Variants in ZNF493 observed in about 807,000 individuals in gnomAD.
ZNF493 encodes the protein zinc finger protein 493.
In ZNF493, 11 loss-of-function variants were observed where a neutral mutation model predicts 12.2. The ratio of observed to expected loss-of-function variants is 0.90; its 90% CI spans 0.57 to 1.50. ZNF493 has a LOEUF of 1.50. Among genes scored for constraint, ZNF493 ranks in the 40% most tolerant of loss-of-function variants. The probability of loss-of-function intolerance (pLI) is 0.00; values close to 1 mark genes in which losing one functional copy is unlikely to be tolerated. For missense variants in ZNF493, 950 were observed against 906.6 expected, an observed-to-expected ratio of 1.05 and a Z score of -0.61; for synonymous variants, 286 against 302.6, an observed-to-expected ratio of 0.95 and a Z score of 0.57.
Position 21,424,589 on chromosome 19 carries a change from C to T in ZNF493, c.1930C>T (p.Leu644Phe), listed in dbSNP as rs1468099548. The change falls in exon 4 of 4, where the codon CTC (leucine) becomes TTC (phenylalanine). Residue 644 changes from leucine to phenylalanine, a missense_variant. Coordinates refer to ENST00000392288, the MANE Select transcript of ZNF493 (RefSeq NM_001076678.3). ...CGKAFKRSSHLAGHKQIHSVQ... is the reference protein window; with the variant it reads ...CGKAFKRSSHFAGHKQIHSVQ... Reference sequence around the variant, plus strand: ...CAAAGCTTTTAAGCGGTCCTCACACCTCGCTGGGCACAAGCAAATTCATAG... The same window carrying T: ...CAAAGCTTTTAAGCGGTCCTCACACTTCGCTGGGCACAAGCAAATTCATAG... 7.4e-6 allele frequency: 12 copies of T among 1,613,478 alleles called. No homozygotes were observed. Among genetic ancestry groups the T allele is most frequent in the Non-Finnish European group, 1.0e-5 (12 of 1,179,766 alleles).
At chr19:21,412,625 G>T in intron 3 of ZNF493, 1 of 183,490 alleles carries the variant, frequency 5.4e-6, no homozygotes, top group Non-Finnish European at 1.1e-5. Flanking sequence ...CAGACTATCA[G>T]CACAGATTAA....
chr19:21,398,802 G>GA (rs1159228298), intron 1 of ZNF493: 1 of 172,984 alleles, frequency 5.8e-6, no homozygotes, highest in Non-Finnish European at 1.2e-5. Context: ...GTAATGAGGG[G>GA]AAAACACAGA....
chr19:21,422,703 T>C (rs1185499377), intron 3 of ZNF493, among the ~76,000 whole-genome samples: 3 of 152,108 alleles, frequency 2.0e-5, no homozygotes, highest in African/African-American at 7.2e-5. Context: ...TGTGCTCACC[T>C]GGGGTACTTC....
At chr19:21,405,022 C>A in intron 1 of ZNF493, 107 bp from the exon 2 acceptor site, 1 of 1,503,400 alleles carries the variant, frequency 6.7e-7, no homozygotes, top group South Asian at 1.4e-5. Flanking sequence ...TCCTGTAAGT[C>A]AGAACGAATT....
intron 3 of ZNF493, among the ~76,000 whole-genome samples, chr19:21,416,802 C>T (rs2030508737): frequency 6.6e-6 from 1 of 152,114 alleles, no homozygotes; most frequent in African/African-American, 2.4e-5. Context: ...TTTGAATTTC[C>T]CCATTGTAGT....
At chr19:21,408,121 T>A in intron 3 of ZNF493, 1 of 619,318 alleles carries the variant, frequency 1.6e-6, no homozygotes, top group Non-Finnish European at 2.0e-6. Flanking sequence ...CCAATTTTTT[T>A]TTTTTTTTTT....
chr19:21,426,125 G>T lies in ZNF493; in HGVS notation c.*1141G>T. On this transcript the variant is annotated 3_prime_UTR_variant, in exon 4 of 4. Coordinates refer to ENST00000392288, the MANE Select transcript of ZNF493 (RefSeq NM_001076678.3). ...CTACAAACCAGTAAGATGTGACAGT[G>T]CTTCTGACAACATCTCAAACTTTTC... The T allele has an allele frequency of 4.1e-6, 1 of 246,478 alleles. No individual in the cohort carries two copies. Among genetic ancestry groups the T allele is most frequent in the African/African-American group, 2.3e-5 (1 of 43,734 alleles). 15.3% of individuals were successfully genotyped at this position (246,478 alleles called of 1,614,324 possible). A position where few individuals can be genotyped will look rare whatever the true frequency, so the allele number is the denominator to read the frequency against.
intron 3 of ZNF493, chr19:21,414,524 T>C (rs1334504382): frequency 6.6e-6 from 1 of 152,120 alleles, no homozygotes; most frequent in Non-Finnish European, 1.5e-5. Context: ...CTAATGTGAG[T>C]GATGTAAAAA....
chr19:21,407,968 C>T, intron 3 of ZNF493: 1 of 985,232 alleles, frequency 1.0e-6, no homozygotes, highest in Non-Finnish European at 1.2e-6. Context: ...TAAAGATCTT[C>T]TTTTCTTGTG....
intron 1 of ZNF493, among the ~76,000 whole-genome samples, chr19:21,400,227 T>A (rs1013023113): frequency 6.6e-6 from 1 of 152,092 alleles, no homozygotes; most frequent in Non-Finnish European, 1.5e-5. Flanking sequence ...CTGACCAACA[T>A]GGTGAAACCC....
At chr19:21,402,257 A>G (rs969006258) in intron 1 of ZNF493, among the ~76,000 whole-genome samples, 2 of 152,176 alleles carry the variant, frequency 1.3e-5, no homozygotes, top group Non-Finnish European at 2.9e-5. Flanking sequence ...ATGAGCCACC[A>G]TGCCTGGCCC....
At chr19:21,407,749 A>G in intron 3 of ZNF493, 1 of 983,322 alleles carries the variant, frequency 1.0e-6, no homozygotes, top group African/African-American at 1.7e-5. Flanking sequence ...GTGTAAGATT[A>G]TATGTTCCTC....
rs923003722 is a variant in ZNF493, at chr19:21,426,112, A to T, written c.*1128A>T. The stretch of plus-strand genomic sequence containing the variant: ...CTGCAGAGAAACTCTACAAACCAGT[A>T]AGATGTGACAGTGCTTCTGACAACA... On this transcript the variant is annotated 3_prime_UTR_variant, in exon 4 of 4. Transcript: ENST00000392288. 1 of 277,238 alleles carries T rather than the reference A, an allele frequency of 3.6e-6. No individual in the cohort carries two copies. Among genetic ancestry groups the T allele is most frequent in the Admixed American group, 4.6e-5 (1 of 21,956 alleles). 17.2% of individuals were successfully genotyped at this position (277,238 alleles called of 1,614,324 possible).
At chr19:21,411,622 A>T (rs1412693108) in intron 3 of ZNF493, among the ~76,000 whole-genome samples, 1 of 151,886 alleles carries the variant, frequency 6.6e-6, no homozygotes. Context: ...TGGGAGGCTG[A>T]GGTGGGAGAA....
rs184193003 is a variant in ZNF493 at position 21,426,452 on chromosome 19, A to G, written c.*1468A>G. 1 of 167,862 alleles carries G rather than the reference A, an allele frequency of 6.0e-6. No homozygotes were observed. The highest frequency in any genetic ancestry group is 2.4e-5 in the African/African-American group (1 of 41,576). 10.4% of individuals were successfully genotyped at this position (167,862 alleles called of 1,614,324 possible). A position where few individuals can be genotyped will look rare whatever the true frequency, so the allele number is the denominator to read the frequency against. On this transcript the variant is annotated 3_prime_UTR_variant, in exon 4 of 4. Coordinates refer to ENST00000392288, the MANE Select transcript of ZNF493 (RefSeq NM_001076678.3). ...TGATAAGTGCAATTACTGCCAAAAGATCTTTCAGAAAATATTATCCTTTAA... is the reference window on the plus strand; with the variant it reads ...TGATAAGTGCAATTACTGCCAAAAGGTCTTTCAGAAAATATTATCCTTTAA...
Position 21,426,001 on chromosome 19 carries a change from T to C in ZNF493, c.*1017T>C. 1 of 600,814 alleles carries C rather than the reference T, an allele frequency of 1.7e-6. No homozygotes were observed. Among genetic ancestry groups the C allele is most frequent in the East Asian group, 5.1e-5 (1 of 19,666 alleles). The allele number at this position is 600,814 out of a possible 1,614,324, so 37.2% of individuals were successfully genotyped here. A position where few individuals can be genotyped will look rare whatever the true frequency, so the allele number is the denominator to read the frequency against. On this transcript the variant is annotated 3_prime_UTR_variant, in exon 4 of 4. Coordinates refer to ENST00000392288, the MANE Select transcript of ZNF493 (RefSeq NM_001076678.3). ...TTTTTACTAAACATAAGAAAATTCA[T>C]ACTGGAGAGAAACCCTATGATTGTG...
chr19:21,408,606 C>G, intron 3 of ZNF493: 1 of 984,948 alleles, frequency 1.0e-6, no homozygotes, highest in Non-Finnish European at 1.2e-6. Context: ...ATTAATGTTG[C>G]ATACCAAATT....
chr19:21,413,262 C>G, intron 3 of ZNF493: 1 of 394,984 alleles, frequency 2.5e-6, no homozygotes, highest in Non-Finnish European at 4.5e-6. Flanking sequence ...ATGGTAAATA[C>G]TGAGATAAGA....
At chr19:21,400,955 T>C (rs2029921205) in intron 1 of ZNF493, among the ~76,000 whole-genome samples, 1 of 152,218 alleles carries the variant, frequency 6.6e-6, no homozygotes, top group Non-Finnish European at 1.5e-5. Context: ...TTTCTCTCTC[T>C]TCCCTGATTG....
Sources: gnomAD v4.1 joint callset for allele counts (sites outside exome capture counted in the v4.1 genomes callset) on GRCh38, gnomAD v4.1.1 for gene constraint, MANE v1.5 for transcripts, NCBI Gene and HGNC (gene_info 2026-07-23, HGNC 2026-07-21) for gene names.